The following MEI1 variants were observed in gnomAD, a reference collection of about 807,000 sequenced individuals.
MEI1 encodes the protein meiotic double-stranded break formation protein 1, also known as meiosis inhibitor protein 1.
A neutral mutation model predicts 146.2 loss-of-function variants in MEI1; 103 were observed. That is an observed-to-expected ratio of 0.70 (90% CI 0.60 to 0.83). The LOEUF is 0.83. Among genes scored for constraint, MEI1 ranks in the 40% least tolerant of loss-of-function variants. MEI1 has a pLI of 0.00. For synonymous variants in MEI1, 652 were observed against 628.2 expected, an observed-to-expected ratio of 1.04 and a Z score of -0.57; for missense variants, 1,529 against 1,533.0, an observed-to-expected ratio of 1.00 and a Z score of 0.04.
At chr22:41,749,718 C>T (rs1488126110) in intron 15 of MEI1, among the ~76,000 whole-genome samples, 2 of 152,166 alleles carry the variant, frequency 1.3e-5, no homozygotes, top group Non-Finnish European at 2.9e-5. Context: ...TGTATCTCAG[C>T]CTCTTGCATT....
intron 3 of MEI1, among the ~76,000 whole-genome samples, chr22:41,706,796 T>C (rs1031319543): frequency 4.6e-5 from 7 of 151,820 alleles, no homozygotes; most frequent in African/African-American, 1.7e-4. Flanking sequence ...AGAGCCCTGG[T>C]ATGTGACGAT....
rs1264836750 is a variant in MEI1, at chr22:41,795,897, T to C, written c.3779+50T>C. ...AAGGAGATGCCAAATCACTGGGTGT[T>C]TGGGGCTTCTCTTCCTGGGCCAGTT... On this transcript the variant is annotated intron_variant, in intron 30 of 30. Coordinates refer to ENST00000401548, the MANE Select transcript of MEI1 (RefSeq NM_152513.4). This position sits in a 1 kb window ranked among gnomAD's most constrained non-coding sequence, Gnocchi z 4.2. 3.1e-6 allele frequency: 5 copies of C among 1,612,706 alleles called. No homozygotes were observed. The highest frequency in any genetic ancestry group is 2.2e-5 in the South Asian group (2 of 90,996).
Position 41,742,497 on chromosome 22 carries a change from T to C in MEI1, c.1332-583T>C, listed in dbSNP as rs548979785. Among the ~76,000 whole-genome samples, 9 of 152,342 alleles carry C rather than the reference T, an allele frequency of 5.9e-5. No individual in the cohort carries two copies. In the South Asian group the frequency reaches 1.9e-3, roughly 32 times the overall value. ...GACATTTATAAGGACTTATTACGTA[T>C]TAAGCATCATGCTAAGTGTTTGGCA... On this transcript the variant is annotated intron_variant, in intron 11 of 30. Coordinates refer to ENST00000401548, the MANE Select transcript of MEI1 (RefSeq NM_152513.4).
chr22:41,703,008 G>A (rs1243552088), intron 1 of MEI1, among the ~76,000 whole-genome samples: 5 of 151,912 alleles, frequency 3.3e-5, no homozygotes, highest in Admixed American at 6.6e-5. Context: ...GTGAATCACC[G>A]GGCCCGGCCT....
At chr22:41,721,135 G>C (rs1423426709) in intron 6 of MEI1, among the ~76,000 whole-genome samples, 2 of 146,208 alleles carry the variant, frequency 1.4e-5, no homozygotes, top group Middle Eastern at 3.9e-3. Context: ...GGATGGTCTC[G>C]ATCTCTTGAC....
chr22:41,756,565 C>A (rs2074105785), intron 17 of MEI1, among the ~76,000 whole-genome samples: 1 of 152,102 alleles, frequency 6.6e-6, no homozygotes, highest in African/African-American at 2.4e-5. Context: ...CCTCCACCTC[C>A]CGGGTTCAAG....
At position 41,730,669 on chromosome 22, in the gene MEI1, G is replaced by A. The variant is rs200162893; in HGVS notation, c.1096+32G>A. The A allele has an allele frequency of 6.6e-6, 10 of 1,508,178 alleles. No homozygotes were observed. The Admixed American group carries it at 1.7e-4, about 25-fold the overall frequency. The allele number at this position is 1,508,178 out of a possible 1,614,324, so 93.4% of individuals were successfully genotyped here. ...AGTAAGGGTCCTGTACTAGCTTTGG[G>A]TTGGGTGGACGGCAGTTTGCACTTG... is the stretch of plus-strand genomic sequence containing the variant. On this transcript the variant is annotated intron_variant, in intron 9 of 30. Coordinates refer to ENST00000401548, the MANE Select transcript of MEI1 (RefSeq NM_152513.4).
chr22:41,786,366 A>G (rs900950380), intron 26 of MEI1, among the ~76,000 whole-genome samples: 15 of 152,210 alleles, frequency 9.9e-5, no homozygotes, highest in African/African-American at 3.6e-4. Flanking sequence ...TTTTAAAGCT[A>G]CAGTGACAGA....
chr22:41,713,641 C>T (rs938540289), intron 3 of MEI1, among the ~76,000 whole-genome samples: 1 of 152,146 alleles, frequency 6.6e-6, no homozygotes, highest in Non-Finnish European at 1.5e-5. Flanking sequence ...CTCCGCCTGC[C>T]GGGTTCAAGC....
chr22:41,785,487 C>T (rs555690736), intron 26 of MEI1, among the ~76,000 whole-genome samples: 1 of 151,282 alleles, frequency 6.6e-6, no homozygotes, highest in South Asian at 2.1e-4. Context: ...TGGTCTTGAT[C>T]TCCTGATTTC....
At chr22:41,792,255 G>T (rs1026876747) in intron 26 of MEI1, among the ~76,000 whole-genome samples, 1 of 152,192 alleles carries the variant, frequency 6.6e-6, no homozygotes, top group Non-Finnish European at 1.5e-5. Flanking sequence ...GGCCAAAGCA[G>T]CCTGGTGGCA....
At chr22:41,752,398 C>G (rs1569251124) in intron 15 of MEI1, 193 bp from the exon 16 acceptor site, 1 of 591,030 alleles carries the variant, frequency 1.7e-6, no homozygotes, top group South Asian at 2.1e-5. Context: ...CTGTGAGGTA[C>G]AAATATCAAA....
intron 17 of MEI1, among the ~76,000 whole-genome samples, chr22:41,756,803 T>C (rs2074118322): frequency 6.6e-6 from 1 of 152,256 alleles, no homozygotes; most frequent in African/African-American, 2.4e-5. Context: ...TATTAAAATA[T>C]TCTTTCTTTT....
intron 11 of MEI1, among the ~76,000 whole-genome samples, chr22:41,737,640 C>G (rs2072495972): frequency 6.6e-6 from 1 of 152,086 alleles, no homozygotes; most frequent in Non-Finnish European, 1.5e-5. Flanking sequence ...CTTCTGGGTT[C>G]AAGCAATTTT....
chr22:41,750,066 T>C (rs2073644266), intron 15 of MEI1, among the ~76,000 whole-genome samples: 1 of 152,148 alleles, frequency 6.6e-6, no homozygotes, highest in African/African-American at 2.4e-5. Context: ...TCAACAAATA[T>C]TGGGCACCTA....
chr22:41,774,959 G>A (rs1161197966), intron 20 of MEI1, among the ~76,000 whole-genome samples: 1 of 152,096 alleles, frequency 6.6e-6, no homozygotes, highest in African/African-American at 2.4e-5. Flanking sequence ...CAGATGCATT[G>A]TAGCCATATC....
chr22:41,702,942 A>G (rs1320738453), intron 1 of MEI1, among the ~76,000 whole-genome samples: 3 of 149,850 alleles, frequency 2.0e-5, no homozygotes, highest in African/African-American at 7.4e-5. Flanking sequence ...CTGGTCTGGA[A>G]CTCTTGAGCT....
chr22:41,702,131 C>T (rs2068756570), intron 1 of MEI1, among the ~76,000 whole-genome samples: 1 of 152,176 alleles, frequency 6.6e-6, no homozygotes, highest in Non-Finnish European at 1.5e-5. Flanking sequence ...GATGCAACTT[C>T]TACCTTTTAT....
In MEI1 at chr22:41,732,512, A is replaced by G. The variant is rs1447367910; in HGVS notation, c.1240A>G (p.Arg414Gly). ...IKLFTSSAMCRDAGRALQEAV... is the reference protein window; with the variant it reads ...IKLFTSSAMCGDAGRALQEAV... ...GCTGTTCACAAGCTCAGCCATGTGC[A>G]GAGATGCTGGCCGTGCCCTCCAAGA... is the stretch of plus-strand genomic sequence containing the variant. The change falls in exon 11 of 31, where the codon AGA becomes GGA. Residue 414 changes from arginine to glycine, a missense_variant. Coordinates refer to ENST00000401548, the MANE Select transcript of MEI1 (RefSeq NM_152513.4). 1 of 1,613,916 alleles carries G rather than the reference A, an allele frequency of 6.2e-7. No individual in the cohort carries two copies.
Sources: gnomAD v4.1 joint callset for allele counts (sites outside exome capture counted in the v4.1 genomes callset) on GRCh38, gnomAD v4.1.1 for gene constraint, Gnocchi (gnomAD v3.1) non-coding constraint, MANE v1.5 for transcripts, NCBI Gene and HGNC (gene_info 2026-07-23, HGNC 2026-07-21) for gene names.